Variants in MYO18B observed in about 807,000 individuals in gnomAD.
MYO18B encodes the protein myosin XVIIIB.
A neutral mutation model predicts 273.0 loss-of-function variants in MYO18B; 204 were observed. That is an observed-to-expected ratio of 0.75 (90% CI 0.67 to 0.84). The LOEUF is 0.84. Ranked by LOEUF, MYO18B falls within the 40% of genes least tolerant of loss-of-function variation. The pLI is 0.00. For missense variants in MYO18B, 3,212 were observed against 3,287.6 expected, an observed-to-expected ratio of 0.98 and a Z score of 0.56; for synonymous variants, 1,330 against 1,305.7, an observed-to-expected ratio of 1.02 and a Z score of -0.40.
chr22:25,787,838 G>GA (rs1257655142), intron 11 of MYO18B, among the ~76,000 whole-genome samples: 2 of 152,086 alleles, frequency 1.3e-5, no homozygotes, highest in East Asian at 3.9e-4. Flanking sequence ...CCTCCACCTT[G>GA]AAGGCAAGAG....
chr22:26,042,379 C>A, the MYO18B span, among the ~76,000 whole-genome samples: 4,928 of 152,336 alleles, frequency 0.032, 300 homozygotes, highest in African/African-American at 0.11. Flanking sequence ...TCCCTTCTTC[C>A]TCTAGACCCA....
intron 39 of MYO18B, among the ~76,000 whole-genome samples, chr22:25,983,695 G>GA (rs2093171800): frequency 6.6e-6 from 1 of 152,258 alleles, no homozygotes; most frequent in Admixed American, 6.5e-5. Flanking sequence ...AAGGTCAAAA[G>GA]AAAGGGAGAA....
At chr22:26,004,977 G>A (rs1601813472) in intron 42 of MYO18B, 122 bp downstream of exon 42, 1 of 1,304,188 alleles carries the variant, frequency 7.7e-7, no homozygotes, top group Non-Finnish European at 1.1e-6. Flanking sequence ...GGTCCTGAAA[G>A]TCTGGGGTAT....
Position 25,851,599 on chromosome 22 carries a change from G to A in MYO18B, c.3885+20G>A. 1 of 1,488,836 alleles carries A rather than the reference G, an allele frequency of 6.7e-7. No homozygotes were observed. Among genetic ancestry groups the A allele is most frequent in the Non-Finnish European group, 9.2e-7 (1 of 1,089,174 alleles). 92.2% of individuals were successfully genotyped at this position (1,488,836 alleles called of 1,614,324 possible). A position where few individuals can be genotyped will look rare whatever the true frequency, so the allele number is the denominator to read the frequency against. On this transcript the variant is annotated intron_variant, in intron 21 of 43. Coordinates refer to ENST00000335473, the MANE Select transcript of MYO18B (RefSeq NM_032608.7). ...AGGAAGGTAGGTGGAGCACATGCGA[G>A]AGGGGTGAAGGCCCTAGATATGGAT...
intron 12 of MYO18B, among the ~76,000 whole-genome samples, chr22:25,815,100 G>A (rs1166010362): frequency 1.3e-5 from 2 of 152,352 alleles, no homozygotes; most frequent in Middle Eastern, 3.4e-3. Context: ...AGGCTCAGAC[G>A]CATGGTGAGT....
In MYO18B at chr22:25,903,487, G is replaced by A. The variant is rs968382546; in HGVS notation, c.4948-144G>A. ...TGGTGTCCCACAGGGGGCGCTGTGAGGGACGGTGGGGTCCAGGTGGAAATG... is the reference window on the plus strand; with the variant it reads ...TGGTGTCCCACAGGGGGCGCTGTGAAGGACGGTGGGGTCCAGGTGGAAATG... On this transcript the variant is annotated intron_variant, in intron 30 of 43. Transcript: ENST00000335473. The A allele has an allele frequency of 7.6e-6, 6 of 785,440 alleles. No homozygotes were observed. In the African/African-American group the frequency reaches 1.0e-4, roughly 14 times the overall value. The allele number at this position is 785,440 out of a possible 1,614,324, so 48.7% of individuals were successfully genotyped here. A position where few individuals can be genotyped will look rare whatever the true frequency, so the allele number is the denominator to read the frequency against.
intron 21 of MYO18B, among the ~76,000 whole-genome samples, chr22:25,863,213 C>A (rs1056814722): frequency 1.3e-5 from 2 of 152,124 alleles, no homozygotes; most frequent in African/African-American, 2.4e-5. Context: ...TTTAAGGAGT[C>A]ATTATTATTA....
Position 25,847,431 on chromosome 22 carries a change from A to G in MYO18B, c.3554A>G (p.Asp1185Gly). The change falls in exon 20 of 44, where the codon GAT becomes GGT. Residue 1185 changes from aspartate to glycine, a missense_variant and splice_region_variant. Physicochemically the swap from Asp to Gly is moderately conservative, Grantham distance 94. Coordinates refer to ENST00000335473, the MANE Select transcript of MYO18B (RefSeq NM_032608.7). ...CTGACCTCCCTCTATTTGGTCTAGG[A>G]TGCGCTGACCAGCATGATCAAAAGG... ...APCSQIKLQM[D>G]ALTSMIKRSR... 1.3e-6 allele frequency: 2 copies of G among 1,564,340 alleles called. No homozygotes were observed. The highest frequency in any genetic ancestry group is 1.7e-6 in the Non-Finnish European group (2 of 1,153,990).
intron 39 of MYO18B, among the ~76,000 whole-genome samples, chr22:25,974,633 T>C (rs1453489986): frequency 2.0e-5 from 3 of 152,210 alleles, no homozygotes; most frequent in African/African-American, 4.8e-5. Context: ...CATAAATGCC[T>C]AGTTGTGCTC....
At chr22:25,837,216 G>A (rs2089932262) in intron 17 of MYO18B, among the ~76,000 whole-genome samples, 1 of 152,166 alleles carries the variant, frequency 6.6e-6, no homozygotes, top group African/African-American at 2.4e-5. Context: ...ACTGAGGACT[G>A]TGACTCTGGT....
chr22:25,931,359 A>G (rs1169953675), intron 34 of MYO18B, among the ~76,000 whole-genome samples: 3 of 152,206 alleles, frequency 2.0e-5, no homozygotes, highest in Non-Finnish European at 2.9e-5. Context: ...ACCTGTTACC[A>G]TTTAGTCATG....
At chr22:25,844,109 C>T (rs139151750) in intron 18 of MYO18B, among the ~76,000 whole-genome samples, 25 of 152,300 alleles carry the variant, frequency 1.6e-4, no homozygotes, top group African/African-American at 6.0e-4. Context: ...AAGCTGGCCT[C>T]CTGGGGAGGT....
At chr22:25,939,047 T>C (rs1332335098) in intron 34 of MYO18B, among the ~76,000 whole-genome samples, 1 of 152,166 alleles carries the variant, frequency 6.6e-6, no homozygotes, top group East Asian at 1.9e-4. Context: ...ACTCGTGGCC[T>C]CAAGTGATGC....
chr22:25,839,336 C>T (rs2090014955), intron 17 of MYO18B, among the ~76,000 whole-genome samples: 1 of 152,136 alleles, frequency 6.6e-6, no homozygotes, highest in South Asian at 2.1e-4. Flanking sequence ...GCCTAGGGCC[C>T]AGGAAGTTGT....
At chr22:25,846,373 T>G in intron 19 of MYO18B, 90 bp downstream of exon 19, 247 of 1,404,810 alleles carry the variant, frequency 1.8e-4, no homozygotes, top group Non-Finnish European at 2.2e-4. Context: ...ACATCATCTC[T>G]AACCTCCCCA....
rs116793768 is a variant in MYO18B at position 25,744,961 on chromosome 22, C to A, written c.-110+2668C>A. 4.2e-3 allele frequency among the ~76,000 whole-genome samples: 632 copies of A among 152,086 alleles called. 6 individuals are homozygous for A. The highest frequency in any genetic ancestry group is 0.014 in the African/African-American group (598 of 41,462). ...GGGCCAAGATCAGCCCCTGCTGTCA[C>A]GGCTGGTGTTCAGGGAGCAACCACG... On this transcript the variant is annotated intron_variant, in intron 1 of 43. Transcript: ENST00000335473.
downstream of MYO18B, among the ~76,000 whole-genome samples, chr22:26,033,828 CCTT>C (rs1360100508): frequency 7.2e-5 from 8 of 111,440 alleles, 2 homozygotes; most frequent in African/African-American, 4.7e-4. Flanking sequence ...TTCCTCCCTT[CCTT>C]CTTTCTTTCT....
intron 1 of MYO18B, among the ~76,000 whole-genome samples, chr22:25,750,364 T>C (rs1266646451): frequency 6.6e-6 from 1 of 152,156 alleles, no homozygotes; most frequent in Non-Finnish European, 1.5e-5. Flanking sequence ...AGGGAGTCCA[T>C]TGGAAGAGTC....
At chr22:25,862,849 G>A (rs951935747) in intron 21 of MYO18B, among the ~76,000 whole-genome samples, 2 of 150,508 alleles carry the variant, frequency 1.3e-5, no homozygotes, top group Non-Finnish European at 3.0e-5. Flanking sequence ...TTTTTTTTGG[G>A]GGGGGGTGTC....
Sources: gnomAD v4.1 joint callset for allele counts (sites outside exome capture counted in the v4.1 genomes callset) on GRCh38, gnomAD v4.1.1 for gene constraint, MANE v1.5 for transcripts, NCBI Gene and HGNC (gene_info 2026-07-23, HGNC 2026-07-21) for gene names.